The following CNTN4 variants were observed in gnomAD, a reference collection of about 807,000 sequenced individuals.
CNTN4 encodes the protein contactin 4.
Under a neutral mutation model 122.5 loss-of-function variants are expected in CNTN4, and 77 were observed. That is an observed-to-expected ratio of 0.63 (90% CI 0.52 to 0.76). The LOEUF (loss-of-function observed/expected upper bound fraction) is 0.76. CNTN4 is among the 30% of genes least tolerant of loss of function. The pLI, the probability that CNTN4 is intolerant of heterozygous loss-of-function variation, is 0.00. For missense variants in CNTN4, 1,256 were observed against 1,259.1 expected (o/e 1.00, Z 0.04); for synonymous variants, 512 against 447.0 (o/e 1.15, Z -1.83).
chr3:2,274,470 A>G (rs1038623793), intron 2 of CNTN4, among the ~76,000 whole-genome samples: 70 of 151,990 alleles, frequency 4.6e-4, no homozygotes, highest in Non-Finnish European at 1.2e-4. Flanking sequence ...TTTAGGATCT[A>G]TGTTTGTTTT....
intron 10 of CNTN4, among the ~76,000 whole-genome samples, chr3:2,896,853 ATCT>A (rs2094120175): frequency 6.6e-6 from 1 of 151,476 alleles, no homozygotes; most frequent in African/African-American, 2.4e-5. Flanking sequence ...GAGATGATTC[ATCT>A]TCTCCAAAAT....
chr3:2,714,787 G>T (rs1423066838), intron 4 of CNTN4, among the ~76,000 whole-genome samples: 3 of 152,126 alleles, frequency 2.0e-5, no homozygotes, highest in African/African-American at 7.2e-5. Flanking sequence ...ACCCAGGCTG[G>T]AGTGCACTGG....
chr3:2,468,858 C>G (rs940111293), intron 3 of CNTN4, among the ~76,000 whole-genome samples: 4 of 152,170 alleles, frequency 2.6e-5, no homozygotes, highest in South Asian at 2.1e-4. Context: ...TTAGGCTTCT[C>G]TTATTCCTGA....
chr3:2,666,044 A>C (rs2084140764), intron 4 of CNTN4, among the ~76,000 whole-genome samples: 1 of 152,220 alleles, frequency 6.6e-6, no homozygotes, highest in African/African-American at 2.4e-5. Context: ...ACCCTTAAAA[A>C]ATTCAGACTC....
chr3:2,840,686 G>C (rs35956489), intron 7 of CNTN4, among the ~76,000 whole-genome samples: 22 of 147,774 alleles, frequency 1.5e-4, no homozygotes, highest in African/African-American at 2.7e-4. Flanking sequence ...GCGACAGAGC[G>C]ACACTCCGTC....
chr3:2,937,500 A>G (rs76705034), intron 13 of CNTN4, among the ~76,000 whole-genome samples: 4,330 of 152,298 alleles, frequency 0.028, 218 homozygotes, highest in African/African-American at 0.098. Context: ...TTGAGGATCC[A>G]TGGTTTTACG....
At chr3:2,127,727 A>C (rs531243548) in intron 2 of CNTN4, among the ~76,000 whole-genome samples, 1 of 152,288 alleles carries the variant, frequency 6.6e-6, no homozygotes, top group East Asian at 1.9e-4. Context: ...TCTTGCACCT[A>C]TGAGATGCTA....
At chr3:2,689,935 T>A (rs1040620997) in intron 4 of CNTN4, among the ~76,000 whole-genome samples, 4 of 152,128 alleles carry the variant, frequency 2.6e-5, no homozygotes, top group African/African-American at 9.7e-5. Flanking sequence ...TGTGTTTGTG[T>A]CTGTGTGTAT....
chr3:2,586,901 T>G (rs576756935), intron 4 of CNTN4, among the ~76,000 whole-genome samples: 3 of 152,310 alleles, frequency 2.0e-5, no homozygotes, highest in Non-Finnish European at 4.4e-5. Flanking sequence ...TCATTATGTC[T>G]CCTCCTGACC....
At chr3:2,538,242 G>A (rs2077886934) in intron 3 of CNTN4, among the ~76,000 whole-genome samples, 1 of 151,960 alleles carries the variant, frequency 6.6e-6, no homozygotes, top group African/African-American at 2.4e-5. Flanking sequence ...GCCTTCAGAG[G>A]GAACATGGCC....
At chr3:2,289,456 G>C (rs1277991074) in intron 2 of CNTN4, among the ~76,000 whole-genome samples, 1 of 152,240 alleles carries the variant, frequency 6.6e-6, no homozygotes, top group East Asian at 1.9e-4. Context: ...TAAATGGATA[G>C]TATATGTGAA....
intron 14 of CNTN4, among the ~76,000 whole-genome samples, chr3:3,005,185 AGG>A: frequency 6.6e-6 from 1 of 152,220 alleles, no homozygotes; most frequent in Non-Finnish European, 1.5e-5. Flanking sequence ...ATTCACACCG[AGG>A]CTAATCTCCT....
chr3:2,127,202 G>T (rs1207727493), intron 2 of CNTN4, among the ~76,000 whole-genome samples: 2 of 152,144 alleles, frequency 1.3e-5, no homozygotes, highest in African/African-American at 4.8e-5. Context: ...CTGTGGATCA[G>T]CTGCCCTTTG....
Position 2,390,052 on chromosome 3 carries a change from G to C in CNTN4, c.-89+50819G>C, listed in dbSNP as rs74707869. The stretch of plus-strand genomic sequence containing the variant: ...TGGGACAACTGGAAAAATATGAATA[G>C]GGTGTTTACATAATAATACTATATA... On this transcript the variant is annotated intron_variant, in intron 3 of 24. Coordinates refer to ENST00000418658, the MANE Select transcript of CNTN4 (RefSeq NM_175607.3). 3.9e-4 allele frequency among the ~76,000 whole-genome samples: 60 copies of C among 152,194 alleles called. No individual in the cohort carries two copies. In the East Asian group the frequency reaches 0.011, roughly 28 times the overall value.
Position 3,037,315 on chromosome 3 carries a change from A to G in CNTN4, c.2079A>G (p.Arg693=), listed in dbSNP as rs764950949. 28 of 1,614,158 alleles carry G rather than the reference A, an allele frequency of 1.7e-5. No individual in the cohort carries two copies. In the South Asian group the frequency reaches 2.6e-4, roughly 15 times the overall value. The change falls in exon 18 of 25, where the codon AGA becomes AGG. Residue 693 remains arginine, a synonymous_variant. Transcript: ENST00000418658. ...CCAGCCGCCCCTCAGAGAAACGGAG[A>G]ACAGAAGAAGCTCGTGAGTAGCACC... ...GEPSRPSEKR[R]TEEALPEVTP...
At chr3:2,965,861 T>C (rs1692251272) in intron 13 of CNTN4, among the ~76,000 whole-genome samples, 1 of 152,166 alleles carries the variant, frequency 6.6e-6, no homozygotes. Context: ...TACATATCCC[T>C]TAAGAATCAG....
chr3:2,200,615 T>C (rs2038053032), intron 2 of CNTN4, among the ~76,000 whole-genome samples: 1 of 152,186 alleles, frequency 6.6e-6, no homozygotes, highest in East Asian at 1.9e-4. Flanking sequence ...AATAGCACCT[T>C]ACAAGGTGGT....
intron 6 of CNTN4, among the ~76,000 whole-genome samples, chr3:2,782,246 C>A (rs1362036212): frequency 6.6e-6 from 1 of 151,394 alleles, no homozygotes; most frequent in Middle Eastern, 3.4e-3. Context: ...TTTCAGGTTA[C>A]GTTTTAAGAG....
intron 3 of CNTN4, among the ~76,000 whole-genome samples, chr3:2,543,745 A>T (rs908199038): frequency 1.3e-5 from 2 of 152,284 alleles, no homozygotes; most frequent in Admixed American, 6.5e-5. Context: ...CCAAGACTGA[A>T]TTAAGAATCA....
Sources: allele counts gnomAD v4.1 joint callset (sites outside exome capture counted in the v4.1 genomes callset), GRCh38; gene constraint gnomAD v4.1.1; transcripts MANE v1.5; gene names NCBI Gene and HGNC (gene_info 2026-07-23, HGNC 2026-07-21).